Variants in SLC35F1 observed in about 807,000 individuals in gnomAD.
The protein encoded by SLC35F1 is chromosome 6 open reading frame 169.
Under a neutral mutation model 48.7 loss-of-function variants are expected in SLC35F1, and 14 were observed. That is an observed-to-expected ratio of 0.29 (90% CI 0.19 to 0.45). The LOEUF (loss-of-function observed/expected upper bound fraction) is 0.45. Ranked by LOEUF, SLC35F1 falls within the 20% of genes least tolerant of loss-of-function variation. SLC35F1 has a pLI of 1.00. For missense variants in SLC35F1, 404 were observed against 500.0 expected (o/e 0.81, Z 1.83); for synonymous variants, 190 against 202.2 (o/e 0.94, Z 0.51).
intron 7 of SLC35F1, among the ~76,000 whole-genome samples, chr6:118,292,436 G>A (rs1479734431): frequency 6.6e-5 from 10 of 152,302 alleles, no homozygotes; most frequent in South Asian, 4.1e-4. Flanking sequence ...AGAGAGTACC[G>A]AGGGGCCTCA....
intron 1 of SLC35F1, among the ~76,000 whole-genome samples, chr6:117,985,260 T>A (rs1187715788): frequency 6.6e-6 from 1 of 152,220 alleles, no homozygotes; most frequent in Admixed American, 6.5e-5. Flanking sequence ...AATCACAGGA[T>A]AAGAATATCC....
intron 1 of SLC35F1, among the ~76,000 whole-genome samples, chr6:117,950,056 G>A: frequency 6.6e-6 from 1 of 151,934 alleles, no homozygotes; most frequent in East Asian, 1.9e-4. Context: ...CTTCATTTGG[G>A]GCTTGATTCT....
chr6:117,965,980 C>CACCAGTCAGCACTCTGTCAAAATGG (rs1243521594), intron 1 of SLC35F1, among the ~76,000 whole-genome samples: 1 of 149,840 alleles, frequency 6.7e-6, no homozygotes, highest in Non-Finnish European at 1.5e-5. Context: ...TTTGTAAACG[C>CACCAGTCAGCACTCTGTCAAAATGG]ACCAGTCAGC....
chr6:118,135,562 G>C (rs754082869), intron 1 of SLC35F1, among the ~76,000 whole-genome samples: 1 of 152,134 alleles, frequency 6.6e-6, no homozygotes, highest in Non-Finnish European at 1.5e-5. Context: ...ATTTGGCTTG[G>C]CTGCTCTGCA....
chr6:118,245,687 C>G (rs78187555), intron 3 of SLC35F1, among the ~76,000 whole-genome samples: 1 of 152,336 alleles, frequency 6.6e-6, no homozygotes, highest in Non-Finnish European at 1.5e-5. Flanking sequence ...CCTTCTCAGG[C>G]AGGATACACA....
chr6:118,199,667 CA>C (rs2114533793), intron 2 of SLC35F1, among the ~76,000 whole-genome samples: 1 of 152,180 alleles, frequency 6.6e-6, no homozygotes, highest in East Asian at 1.9e-4. Context: ...CATATGGTTG[CA>C]AAACTGGTAA....
intron 3 of SLC35F1, among the ~76,000 whole-genome samples, chr6:118,258,739 T>C (rs771390036): frequency 6.6e-6 from 1 of 151,988 alleles, no homozygotes; most frequent in Non-Finnish European, 1.5e-5. Flanking sequence ...GATCTTAATA[T>C]ATATAAAATA....
At chr6:118,260,158 TAGTC>T (rs1308748248) in intron 3 of SLC35F1, among the ~76,000 whole-genome samples, 2 of 152,112 alleles carry the variant, frequency 1.3e-5, no homozygotes, top group Non-Finnish European at 2.9e-5. Flanking sequence ...TCATATGAAA[TAGTC>T]AGAATAGGTA....
At chr6:117,989,176 C>T (rs1776885644) in intron 1 of SLC35F1, among the ~76,000 whole-genome samples, 3 of 152,330 alleles carry the variant, frequency 2.0e-5, no homozygotes, top group Middle Eastern at 6.8e-3. Context: ...CCCCAAATCC[C>T]AGCAGCTCGA....
intron 1 of SLC35F1, among the ~76,000 whole-genome samples, chr6:118,097,465 A>C (rs1773193446): frequency 6.6e-6 from 1 of 152,162 alleles, no homozygotes; most frequent in African/African-American, 2.4e-5. Flanking sequence ...ATTTTGAAGG[A>C]AGTTTCCAAT....
intron 6 of SLC35F1, among the ~76,000 whole-genome samples, chr6:118,279,039 G>A (rs1775951045): frequency 6.6e-6 from 1 of 152,192 alleles, no homozygotes. Context: ...ACACATTACA[G>A]AGCCATCCAT....
At chr6:117,963,518 AT>A (rs1776523207) in intron 1 of SLC35F1, among the ~76,000 whole-genome samples, 3 of 152,186 alleles carry the variant, frequency 2.0e-5, no homozygotes, top group Admixed American at 2.0e-4. Flanking sequence ...ACACGATAAT[AT>A]TAGAGGGAAA....
At chr6:118,056,900 A>T (rs1772470452) in intron 1 of SLC35F1, among the ~76,000 whole-genome samples, 1 of 152,118 alleles carries the variant, frequency 6.6e-6, no homozygotes, top group African/African-American at 2.4e-5. Context: ...TGTTTTGATT[A>T]TTAGACCATC....
rs889082786 is a variant in SLC35F1, at chr6:118,235,379, T to G, written c.350-130T>G. The stretch of plus-strand genomic sequence containing the variant: ...CATGTGGGTATCTGATACGTTGATT[T>G]ATTTGTTTAAATATTTGGTAAACTT... On this transcript the variant is annotated intron_variant, in intron 2 of 7. Transcript: ENST00000360388. The G allele has an allele frequency of 4.6e-5, 43 of 934,396 alleles. No individual in the cohort carries two copies. In the African/African-American group the frequency reaches 5.8e-4, roughly 13 times the overall value. The allele number at this position is 934,396 out of a possible 1,614,324, so 57.9% of individuals were successfully genotyped here. A position where few individuals can be genotyped will look rare whatever the true frequency, so the allele number is the denominator to read the frequency against.
chr6:118,004,898 G>C (rs540702895), intron 1 of SLC35F1, among the ~76,000 whole-genome samples: 1 of 152,062 alleles, frequency 6.6e-6, no homozygotes, highest in South Asian at 2.1e-4. Context: ...GATAGATCTA[G>C]TTGCTGGTCA....
At chr6:118,032,838 T>A (rs1417188325) in intron 1 of SLC35F1, among the ~76,000 whole-genome samples, 1 of 152,192 alleles carries the variant, frequency 6.6e-6, no homozygotes, top group Admixed American at 6.5e-5. Context: ...TAACCTGGAT[T>A]TTTTTTCTAT....
intron 1 of SLC35F1, among the ~76,000 whole-genome samples, chr6:118,019,889 A>G (rs1445636093): frequency 1.3e-5 from 2 of 152,208 alleles, no homozygotes; most frequent in Non-Finnish European, 1.5e-5. Flanking sequence ...TGTAATGTAT[A>G]GAATAACATA....
intron 1 of SLC35F1, among the ~76,000 whole-genome samples, chr6:118,077,846 G>A (rs1384697652): frequency 6.6e-6 from 1 of 152,172 alleles, no homozygotes; most frequent in Non-Finnish European, 1.5e-5. Flanking sequence ...ACAGTCTAAA[G>A]ACCTTGCATC....
intron 1 of SLC35F1, among the ~76,000 whole-genome samples, chr6:117,992,210 A>G (rs1562257692): frequency 6.6e-6 from 1 of 151,926 alleles, no homozygotes. Flanking sequence ...TTTGATTTGT[A>G]ATTGTTTTCT....
Sources: allele counts gnomAD v4.1 joint callset (sites outside exome capture counted in the v4.1 genomes callset), GRCh38; gene constraint gnomAD v4.1.1; transcripts MANE v1.5; gene names NCBI Gene and HGNC (gene_info 2026-07-23, HGNC 2026-07-21).